The following PXYLP1 variants were observed in gnomAD, a reference collection of about 807,000 sequenced individuals.
PXYLP1 encodes acid phosphatase-like 2.
Under a neutral mutation model 37.9 loss-of-function variants are expected in PXYLP1, and 17 were observed. The observed-to-expected ratio is 0.45, with a 90% CI of 0.31 to 0.67. The LOEUF (loss-of-function observed/expected upper bound fraction) is 0.67. Ranked by LOEUF, PXYLP1 falls within the 30% of genes least tolerant of loss-of-function variation. The pLI, the probability that PXYLP1 is intolerant of heterozygous loss-of-function variation, is 0.07. For synonymous variants in PXYLP1, 221 were observed against 232.2 expected (o/e 0.95, Z 0.44); for missense variants, 511 against 612.0 (o/e 0.84, Z 1.74).
In PXYLP1 at chr3:141,277,403, A is replaced by G. The variant is rs536479210; in HGVS notation, c.80-939A>G. On this transcript the variant is annotated intron_variant, in intron 2 of 5. Transcript: ENST00000286353. ...CTGTGTTGGGAGTTCTAGAGGATCTATGATGCTACAAAGACATTCCCTAGG... is the reference window on the plus strand; with the variant it reads ...CTGTGTTGGGAGTTCTAGAGGATCTGTGATGCTACAAAGACATTCCCTAGG... Among the ~76,000 whole-genome samples, 3 of 152,298 alleles carry G rather than the reference A, an allele frequency of 2.0e-5. No individual in the cohort carries two copies. The East Asian group carries it at 5.8e-4, about 29-fold the overall frequency.
intron 2 of PXYLP1, among the ~76,000 whole-genome samples, 190 bp from the exon 3 acceptor site, chr3:141,278,152 G>A (rs1413565745): frequency 1.3e-5 from 2 of 152,178 alleles, no homozygotes; most frequent in Admixed American, 1.3e-4. Context: ...TGGCAGTGAC[G>A]AAGGGGCAGG....
At chr3:141,285,144 C>CTTTTTTTTTTTTTTT (rs147495598) in intron 4 of PXYLP1, among the ~76,000 whole-genome samples, 13 of 78,762 alleles carry the variant, frequency 1.7e-4, no homozygotes, top group African/African-American at 5.2e-4. Context: ...TTTTCTTTTT[C>CTTTTTTTTTTTTTTT]TTTTTTTTTT....
At position 141,231,990 on chromosome 3, in the gene PXYLP1, C is replaced by T. The variant is rs1202587303; in HGVS notation, c.-54+79C>T. 1 of 152,292 alleles carries T rather than the reference C, an allele frequency of 6.6e-6. No individual in the cohort carries two copies. The highest frequency in any genetic ancestry group is 1.5e-5 in the Non-Finnish European group (1 of 68,208). 9.4% of individuals were successfully genotyped at this position (152,292 alleles called of 1,614,324 possible). A position where few individuals can be genotyped will look rare whatever the true frequency, so the allele number is the denominator to read the frequency against. ...CAGAGGTTCTAGGCGGGTGGGCGTC[C>T]AGGGTCCGAGGTTGGGAGACTGAGG... On this transcript the variant is annotated intron_variant, in intron 1 of 5. Coordinates refer to ENST00000286353, the MANE Select transcript of PXYLP1 (RefSeq NM_001037172.3). The surrounding 1 kb of genome is among the most constrained non-coding windows in gnomAD (Gnocchi z 4.4).
At chr3:141,249,935 C>G (rs1455111633) in intron 1 of PXYLP1, among the ~76,000 whole-genome samples, 1 of 151,900 alleles carries the variant, frequency 6.6e-6, no homozygotes, top group Non-Finnish European at 1.5e-5. Flanking sequence ...GATCAGATGC[C>G]TTGACAAGTT....
At chr3:141,252,831 G>C (rs1253345183) in intron 1 of PXYLP1, among the ~76,000 whole-genome samples, 1 of 152,178 alleles carries the variant, frequency 6.6e-6, no homozygotes, top group Non-Finnish European at 1.5e-5. Flanking sequence ...TTTTCAGGAG[G>C]AGACCCCCAG....
rs938372180 is a variant in PXYLP1, at chr3:141,293,932, G to T, written c.*727G>T. On this transcript the variant is annotated 3_prime_UTR_variant, in exon 6 of 6. Coordinates refer to ENST00000286353, the MANE Select transcript of PXYLP1 (RefSeq NM_001037172.3). ...GTTGAATACCAAGAATTATTCAATG[G>T]TTCCTCCAGTAACTTCTGCTAGAAA... 1 of 152,182 alleles carries T rather than the reference G, an allele frequency of 6.6e-6. No individual in the cohort carries two copies. The highest frequency in any genetic ancestry group is 2.4e-5 in the African/African-American group (1 of 41,436). The allele number at this position is 152,182 out of a possible 1,614,324, so 9.4% of individuals were successfully genotyped here. A position where few individuals can be genotyped will look rare whatever the true frequency, so the allele number is the denominator to read the frequency against.
intron 1 of PXYLP1, among the ~76,000 whole-genome samples, chr3:141,247,814 A>G (rs896775067): frequency 6.6e-5 from 10 of 152,226 alleles, no homozygotes; most frequent in African/African-American, 2.4e-4. Flanking sequence ...CAGAATAAGT[A>G]CTTGCTCAGT....
At chr3:141,259,933 G>A (rs1031860274) in intron 1 of PXYLP1, among the ~76,000 whole-genome samples, 190 bp from the exon 2 acceptor site, 4 of 152,274 alleles carry the variant, frequency 2.6e-5, no homozygotes, top group Admixed American at 1.3e-4. Flanking sequence ...GAGCATTCTC[G>A]CTTGGGCTTA....
At position 141,261,209 on chromosome 3, in the gene PXYLP1, C is replaced by T. The variant is rs114871251; in HGVS notation, c.79+955C>T. Among the ~76,000 whole-genome samples the T allele has an allele frequency of 7.2e-3, 1,097 of 152,208 alleles. 14 individuals carry two copies. The highest frequency in any genetic ancestry group is 0.025 in the African/African-American group (1,050 of 41,512). ...TTGCCCAGGCTGGAGTGCAGTAGCACGATCACAGCTCATTGCAGACTCAAC... is the reference window on the plus strand; with the variant it reads ...TTGCCCAGGCTGGAGTGCAGTAGCATGATCACAGCTCATTGCAGACTCAAC... On this transcript the variant is annotated intron_variant, in intron 2 of 5. Transcript: ENST00000286353.
chr3:141,251,607 C>T (rs1436195592), intron 1 of PXYLP1, among the ~76,000 whole-genome samples: 1 of 152,172 alleles, frequency 6.6e-6, no homozygotes, highest in African/African-American at 2.4e-5. Context: ...ATGTCTGCTA[C>T]AGTGAAGAAG....
At chr3:141,277,120 G>A (rs12631017) in intron 2 of PXYLP1, among the ~76,000 whole-genome samples, 32,047 of 152,098 alleles carry the variant, frequency 0.21, 4,209 homozygotes, top group East Asian at 0.37. Context: ...TTTTCTCTCA[G>A]TGTGTTGCCT....
chr3:141,265,921 TG>T (rs1230506939), intron 2 of PXYLP1, among the ~76,000 whole-genome samples: 1 of 152,064 alleles, frequency 6.6e-6, no homozygotes, highest in Non-Finnish European at 1.5e-5. Flanking sequence ...CAGGACAATC[TG>T]GGGCAGAGCA....
Position 141,268,196 on chromosome 3 carries a change from AGAGAGAGAGAGTGTGTGT to A in PXYLP1, c.79+7944_79+7961del, listed in dbSNP as rs1166138043. 9.0e-3 allele frequency among the ~76,000 whole-genome samples: 503 copies of A among 55,904 alleles called. 3 individuals are homozygous for A. The highest frequency in any genetic ancestry group is 0.02 in the African/African-American group (461 of 23,212). 36.7% of individuals were successfully genotyped at this position (55,904 alleles called of 152,430 possible). ...GAGAGAGAGAGAGAGAGAGAGAGAG[AGAGAGAGAGAGTGTGTGT>A]GTGTGTGTGTGTGTGTGTGTGTGTG... is the stretch of plus-strand genomic sequence containing the variant. On this transcript the variant is annotated intron_variant, in intron 2 of 5. Coordinates refer to ENST00000286353, the MANE Select transcript of PXYLP1 (RefSeq NM_001037172.3).
chr3:141,253,623 C>A (rs1941193863), intron 1 of PXYLP1, among the ~76,000 whole-genome samples: 1 of 151,502 alleles, frequency 6.6e-6, no homozygotes, highest in South Asian at 2.1e-4. Context: ...GCCTAGTGAT[C>A]TGTTTACTCC....
Position 141,278,423 on chromosome 3 carries a change from A to G in PXYLP1, c.161A>G (p.Glu54Gly). The change falls in exon 3 of 6, where the codon GAG becomes GGG. Residue 54 changes from glutamate to glycine, a missense_variant. Physicochemically the swap from Glu to Gly is moderately conservative, Grantham distance 98. Transcript: ENST00000286353. The part of the protein sequence containing the change: ...RKRIMPDPVT[E>G]PPVTDPVYEA... Reference sequence around the variant, plus strand: ...AGAATCATGCCCGACCCTGTGACGGAGCCCCCTGTGACAGACCCCGTTTAT... The same window carrying G: ...AGAATCATGCCCGACCCTGTGACGGGGCCCCCTGTGACAGACCCCGTTTAT... The G allele has an allele frequency of 6.2e-7, 1 of 1,614,202 alleles. No individual in the cohort carries two copies. The highest frequency in any genetic ancestry group is 2.2e-5 in the East Asian group (1 of 44,886).
chr3:141,250,900 A>G (rs1209879934), intron 1 of PXYLP1, among the ~76,000 whole-genome samples: 1 of 152,244 alleles, frequency 6.6e-6, no homozygotes. Context: ...AGCCATCTTT[A>G]TAGATACATG....
In PXYLP1 at chr3:141,272,226, C is replaced by G. The variant is rs78254796; in HGVS notation, c.80-6116C>G. Among the ~76,000 whole-genome samples, 299 of 152,212 alleles carry G rather than the reference C, an allele frequency of 2.0e-3. 2 individuals are homozygous for G. The highest frequency in any genetic ancestry group is 6.7e-3 in the African/African-American group (280 of 41,510). ...AGATAATGAGGTGGCAGCAGATACT[C>G]GGTTATAACTTTATCTGCTGCCCCT... is the stretch of plus-strand genomic sequence containing the variant. On this transcript the variant is annotated intron_variant, in intron 2 of 5. Coordinates refer to ENST00000286353, the MANE Select transcript of PXYLP1 (RefSeq NM_001037172.3).
chr3:141,264,041 G>A (rs1224428136), intron 2 of PXYLP1, among the ~76,000 whole-genome samples: 1 of 152,184 alleles, frequency 6.6e-6, no homozygotes, highest in East Asian at 1.9e-4. Flanking sequence ...GAGTGCGTTG[G>A]CCATGATGGG....
At chr3:141,244,523 C>T (rs557456952) in intron 1 of PXYLP1, among the ~76,000 whole-genome samples, 65 of 150,728 alleles carry the variant, frequency 4.3e-4, no homozygotes, top group Non-Finnish European at 8.0e-4. Flanking sequence ...TTATGTTTTC[C>T]GAAAATTTAC....
Sources: gnomAD v4.1 joint callset for allele counts (sites outside exome capture counted in the v4.1 genomes callset) on GRCh38, gnomAD v4.1.1 for gene constraint, Gnocchi (gnomAD v3.1) non-coding constraint, MANE v1.5 for transcripts, NCBI Gene and HGNC (gene_info 2026-07-23, HGNC 2026-07-21) for gene names.